The following CFAP91 variants were observed in gnomAD, a reference collection of about 807,000 sequenced individuals.
The protein encoded by CFAP91 is cilia- and flagella-associated protein 91.
CFAP91 carries 85 observed loss-of-function variants against 95.9 expected under a neutral mutation model. The ratio of observed to expected loss-of-function variants is 0.89; its 90% CI spans 0.74 to 1.06. CFAP91 has a LOEUF of 1.06. CFAP91 is among the 50% of genes least tolerant of loss of function. The probability of loss-of-function intolerance (pLI) is 0.00; values close to 1 mark genes in which losing one functional copy is unlikely to be tolerated. For missense variants in CFAP91, 962 were observed against 943.4 expected, an observed-to-expected ratio of 1.02 and a Z score of -0.26; for synonymous variants, 335 against 327.5, an observed-to-expected ratio of 1.02 and a Z score of -0.25.
In CFAP91 at chr3:119,740,631, T is replaced by A; in HGVS notation, c.1616T>A (p.Val539Glu). ...GCACTACAAGAAGATGAAAAGCTGGTGAAAAAAGCCGAGAAGCAAGTGACC... is the reference window on the plus strand; with the variant it reads ...GCACTACAAGAAGATGAAAAGCTGGAGAAAAAAGCCGAGAAGCAAGTGACC... ...CHALQEDEKLVKKAEKQVTLA... is the reference protein window; with the variant it reads ...CHALQEDEKLEKKAEKQVTLA... The change falls in exon 13 of 18, where the codon GTG (valine) becomes GAG (glutamate). Residue 539 changes from valine (V) to glutamate (E), a missense_variant. Coordinates refer to ENST00000273390, the MANE Select transcript of CFAP91 (RefSeq NM_033364.4). The A allele has an allele frequency of 6.2e-7, 1 of 1,614,196 alleles. No individual in the cohort carries two copies. Among genetic ancestry groups the A allele is most frequent in the Non-Finnish European group, 8.5e-7 (1 of 1,180,040 alleles).
intron 6 of CFAP91, among the ~76,000 whole-genome samples, chr3:119,717,577 A>G (rs1260359023): frequency 6.8e-5 from 10 of 146,258 alleles, no homozygotes; most frequent in Non-Finnish European, 1.2e-4. Flanking sequence ...TTTCACAAAC[A>G]TCTTTATAAC....
At chr3:119,716,987 A>G (rs1404484146) in intron 6 of CFAP91, among the ~76,000 whole-genome samples, 1 of 152,262 alleles carries the variant, frequency 6.6e-6, no homozygotes, top group Non-Finnish European at 1.5e-5. Context: ...ATGCATAAAA[A>G]TTACAGGAAA....
At chr3:119,749,432 G>A (rs1194221435) in intron 16 of CFAP91, among the ~76,000 whole-genome samples, 2 of 152,146 alleles carry the variant, frequency 1.3e-5, no homozygotes, top group African/African-American at 2.4e-5. Flanking sequence ...ACTGAAGTGG[G>A]AGGATCACTT....
In CFAP91 at chr3:119,709,849, C is replaced by T. The variant is rs952201513; in HGVS notation, c.454C>T (p.Pro152Ser). The T allele has an allele frequency of 1.9e-6, 3 of 1,612,302 alleles. No individual in the cohort carries two copies. Among genetic ancestry groups the T allele is most frequent in the Non-Finnish European group, 2.5e-6 (3 of 1,178,446 alleles). Reference protein sequence around the residue: ...RYKYFERPFLPFFQQMPFNVV... With the variant: ...RYKYFERPFLSFFQQMPFNVV... Reference sequence around the variant, plus strand: ...TCTTTTTCCTCCCAGGCCTTTTCTCCCATTTTTTCAGCAGATGCCATTCAA... The same window carrying T: ...TCTTTTTCCTCCCAGGCCTTTTCTCTCATTTTTTCAGCAGATGCCATTCAA... Residue 152 changes from proline (P) to serine (S), a missense_variant, in exon 5 of 18, where the codon CCA becomes TCA. Transcript: ENST00000273390.
intron 6 of CFAP91, among the ~76,000 whole-genome samples, chr3:119,719,995 C>T (rs1282030695): frequency 6.6e-6 from 1 of 151,686 alleles, no homozygotes; most frequent in Non-Finnish European, 1.5e-5. Flanking sequence ...CCCAGCTACT[C>T]AGGAGGCTGA....
In CFAP91 at chr3:119,726,344, G is replaced by A; in HGVS notation, c.856G>A (p.Glu286Lys). The A allele has an allele frequency of 6.2e-7, 1 of 1,609,488 alleles. No individual in the cohort carries two copies. Among genetic ancestry groups the A allele is most frequent in the Non-Finnish European group, 8.5e-7 (1 of 1,178,198 alleles). Residue 286 changes from glutamate to lysine, a missense_variant, in exon 7 of 18, where the codon GAA becomes AAA. Glu to Lys is a moderately conservative substitution (Grantham distance 56, BLOSUM62 1). Transcript: ENST00000273390. ...GTGGGCCTTCAGAGAGCAGGAGATTGAAAAGTAGGTTCTCTATCACCCAGA... is the reference window on the plus strand; with the variant it reads ...GTGGGCCTTCAGAGAGCAGGAGATTAAAAAGTAGGTTCTCTATCACCCAGA... ...KEWAFREQEI[E>K]KLQEIRLEVL...
intron 13 of CFAP91, among the ~76,000 whole-genome samples, chr3:119,743,181 G>C (rs2054153575): frequency 6.6e-6 from 1 of 151,096 alleles, no homozygotes; most frequent in Non-Finnish European, 1.5e-5. Flanking sequence ...TGTCACCCAG[G>C]CTGGAGTGCA....
chr3:119,745,168 G>A (rs1413790666), intron 14 of CFAP91, among the ~76,000 whole-genome samples: 1 of 152,152 alleles, frequency 6.6e-6, no homozygotes, highest in Non-Finnish European at 1.5e-5. Flanking sequence ...TGGACCCACA[G>A]ATTCAAATAT....
chr3:119,709,523 G>A (rs1290770205), intron 4 of CFAP91, among the ~76,000 whole-genome samples: 1 of 152,196 alleles, frequency 6.6e-6, no homozygotes, highest in Non-Finnish European at 1.5e-5. Context: ...CAAGTACAGG[G>A]CTTAAAGTGT....
chr3:119,758,884 A>T (rs1233765756), intron 17 of CFAP91, among the ~76,000 whole-genome samples: 1 of 152,110 alleles, frequency 6.6e-6, no homozygotes, highest in Admixed American at 6.5e-5. Flanking sequence ...TTGAACCGAA[A>T]TTAAGCAAAA....
chr3:119,759,201 C>A (rs1274159393), intron 17 of CFAP91, among the ~76,000 whole-genome samples: 1 of 151,630 alleles, frequency 6.6e-6, no homozygotes, highest in African/African-American at 2.4e-5. Flanking sequence ...AAGCCAAATC[C>A]AAAAATAATC....
chr3:119,709,722 A>C, intron 4 of CFAP91, 117 bp from the exon 5 acceptor site: 1 of 767,318 alleles, frequency 1.3e-6, no homozygotes, highest in Admixed American at 2.1e-5. Context: ...AGTAACACTG[A>C]TATATGGGAT....
chr3:119,709,671 A>C (rs2053438842), intron 4 of CFAP91, among the ~76,000 whole-genome samples, 168 bp from the exon 5 acceptor site: 1 of 152,006 alleles, frequency 6.6e-6, no homozygotes, highest in South Asian at 2.1e-4. Context: ...TTAGACAAGA[A>C]CCTCCCCACC....
At chr3:119,708,497 G>T (rs1041330394) in intron 3 of CFAP91, 94 bp from the exon 4 acceptor site, 9 of 799,410 alleles carry the variant, frequency 1.1e-5, no homozygotes, top group African/African-American at 1.8e-5. Flanking sequence ...GAGATACTCT[G>T]TGTAGGTCCT....
At chr3:119,726,888 A>C (rs11711386) in intron 7 of CFAP91, among the ~76,000 whole-genome samples, 47,960 of 148,048 alleles carry the variant, frequency 0.32, 9,354 homozygotes, top group Non-Finnish European at 0.44. Flanking sequence ...CTGATGGGGC[A>C]TTTCCTAGTT....
rs758804215 is a variant in CFAP91 at position 119,750,944 on chromosome 3, C to T, written c.2151C>T (p.Asn717=). The change falls in exon 17 of 18, where the codon AAC becomes AAT. Residue 717 remains asparagine, a synonymous_variant. Coordinates refer to ENST00000273390, the MANE Select transcript of CFAP91 (RefSeq NM_033364.4). Reference sequence around the variant, plus strand: ...TCTATTACTTTGGCACAGTGAGGAACGCACAGCGGAAACATATTCTTGCAG... The same window carrying T: ...TCTATTACTTTGGCACAGTGAGGAATGCACAGCGGAAACATATTCTTGCAG... ...QKYFVKEKVR[N]AQRKHILAAH... The T allele has an allele frequency of 4.5e-5, 72 of 1,613,834 alleles. No homozygotes were observed. The highest frequency in any genetic ancestry group is 7.7e-5 in the South Asian group (7 of 91,082).
chr3:119,739,104 T>A (rs1440229770), intron 11 of CFAP91, 151 bp from the exon 12 acceptor site: 5 of 652,682 alleles, frequency 7.7e-6, no homozygotes, highest in Non-Finnish European at 1.4e-5. Context: ...TACTATATGT[T>A]CAATAAGGGC....
intron 6 of CFAP91, among the ~76,000 whole-genome samples, chr3:119,719,315 A>G (rs988014383): frequency 6.6e-6 from 1 of 152,212 alleles, no homozygotes; most frequent in Non-Finnish European, 1.5e-5. Flanking sequence ...AGGGAGTATC[A>G]TGGGCATTCT....
In CFAP91 at chr3:119,715,870, A is replaced by G. The variant is rs2053564861; in HGVS notation, c.682+127A>G. The G allele has an allele frequency of 4.2e-6, 3 of 715,870 alleles. No individual in the cohort carries two copies. The Admixed American group carries it at 7.5e-5, about 18-fold the overall frequency. The allele number at this position is 715,870 out of a possible 1,614,324, so 44.3% of individuals were successfully genotyped here. On this transcript the variant is annotated intron_variant, in intron 6 of 17. Coordinates refer to ENST00000273390, the MANE Select transcript of CFAP91 (RefSeq NM_033364.4). Reference sequence around the variant, plus strand: ...CTATATAAAGTGTCTTAGTACAGCAACTTCATAGACTCATAATTTTTCTGA... The same window carrying G: ...CTATATAAAGTGTCTTAGTACAGCAGCTTCATAGACTCATAATTTTTCTGA...
Sources: allele counts gnomAD v4.1 joint callset (sites outside exome capture counted in the v4.1 genomes callset), GRCh38; gene constraint gnomAD v4.1.1; transcripts MANE v1.5; gene names NCBI Gene and HGNC (gene_info 2026-07-23, HGNC 2026-07-21).